Variants in ANKS1B observed in about 807,000 individuals in gnomAD.
ANKS1B encodes the protein ankyrin repeat and sterile alpha motif domain-containing protein 1B.
A neutral mutation model predicts 148.3 loss-of-function variants in ANKS1B; 36 were observed. The ratio of observed to expected loss-of-function variants is 0.24; its 90% CI spans 0.19 to 0.32. The LOEUF is 0.32. Among genes scored for constraint, ANKS1B ranks in the 10% least tolerant of loss-of-function variants. The pLI, the probability that ANKS1B is intolerant of heterozygous loss-of-function variation, is 1.00. For missense variants in ANKS1B, 1,157 were observed against 1,542.6 expected (o/e 0.75, Z 4.19); for synonymous variants, 542 against 560.8 (o/e 0.97, Z 0.47).
intron 1 of ANKS1B, among the ~76,000 whole-genome samples, chr12:99,966,561 GT>G (rs554727520): frequency 1.2e-3 from 179 of 152,216 alleles, no homozygotes; most frequent in African/African-American, 4.2e-3. Flanking sequence ...AAATTTGTGA[GT>G]TTTTATGCCC....
At chr12:99,627,253 G>A (rs368795023) in intron 9 of ANKS1B, among the ~76,000 whole-genome samples, 3 of 152,076 alleles carry the variant, frequency 2.0e-5, no homozygotes, top group East Asian at 1.9e-4. Context: ...ACCTTTTTAT[G>A]TTTACTTATT....
chr12:99,973,054 C>G (rs992478438), intron 1 of ANKS1B, among the ~76,000 whole-genome samples: 2 of 152,120 alleles, frequency 1.3e-5, no homozygotes, highest in African/African-American at 2.4e-5. Flanking sequence ...CTACCACTCA[C>G]AGAAAAAAAG....
At chr12:99,827,511 A>G (rs2083353412) in intron 1 of ANKS1B, among the ~76,000 whole-genome samples, 1 of 152,300 alleles carries the variant, frequency 6.6e-6, no homozygotes, top group South Asian at 2.1e-4. Flanking sequence ...ACGGGATTTC[A>G]GCTACGTGAG....
intron 9 of ANKS1B, among the ~76,000 whole-genome samples, chr12:99,616,775 G>A (rs2097968090): frequency 6.6e-6 from 1 of 152,068 alleles, no homozygotes. Flanking sequence ...GGCAACAAAA[G>A]CCAAAATTGA....
intron 9 of ANKS1B, among the ~76,000 whole-genome samples, chr12:99,555,190 C>A (rs1398086): frequency 2.0e-5 from 3 of 151,990 alleles, no homozygotes; most frequent in African/African-American, 7.3e-5. Context: ...GGAATTACTG[C>A]GTGAAATGGT....
intron 7 of ANKS1B, among the ~76,000 whole-genome samples, chr12:99,773,841 T>C (rs1370167118): frequency 6.6e-6 from 1 of 152,126 alleles, no homozygotes; most frequent in East Asian, 1.9e-4. Flanking sequence ...TTTTCATGCC[T>C]GTACCATACT....
intron 1 of ANKS1B, among the ~76,000 whole-genome samples, chr12:99,853,199 G>A (rs1164001184): frequency 6.6e-6 from 1 of 152,112 alleles, no homozygotes; most frequent in Non-Finnish European, 1.5e-5. Context: ...CAGACCCTAG[G>A]GCAAGCTTGT....
rs1378653185 is a variant in ANKS1B, at chr12:99,331,228, C to T, written c.1756+68403G>A. Among the ~76,000 whole-genome samples, 4 of 151,968 alleles carry T rather than the reference C, an allele frequency of 2.6e-5. No homozygotes were observed. The South Asian group carries it at 8.3e-4, about 32-fold the overall frequency. ...ATGCTCATGGATTCCTGGATTGAACCTGACACCTCTGGGTTTACTTAACGT... is the reference window on the plus strand; with the variant it reads ...ATGCTCATGGATTCCTGGATTGAACTTGACACCTCTGGGTTTACTTAACGT... On this transcript the variant is annotated intron_variant, in intron 12 of 26. Coordinates refer to ENST00000683438, the MANE Select transcript of ANKS1B (RefSeq NM_001352186.2).
At chr12:99,364,375 C>A (rs747248130) in intron 12 of ANKS1B, among the ~76,000 whole-genome samples, 62 of 152,146 alleles carry the variant, frequency 4.1e-4, no homozygotes, top group Non-Finnish European at 7.9e-4. Context: ...AGAAACCATA[C>A]CTTCATGTTC....
chr12:99,435,335 G>T (rs1381414458), intron 11 of ANKS1B, among the ~76,000 whole-genome samples: 1 of 152,026 alleles, frequency 6.6e-6, no homozygotes, highest in Non-Finnish European at 1.5e-5. Flanking sequence ...GATGCTTGAA[G>T]GTGAGTATCA....
chr12:99,174,866 G>A (rs1188551305), intron 14 of ANKS1B, among the ~76,000 whole-genome samples: 1 of 152,052 alleles, frequency 6.6e-6, no homozygotes, highest in Non-Finnish European at 1.5e-5. Flanking sequence ...TCATGAAATA[G>A]TCATTGAATT....
At chr12:99,178,469 G>T (rs1296483019) in intron 14 of ANKS1B, among the ~76,000 whole-genome samples, 1 of 152,176 alleles carries the variant, frequency 6.6e-6, no homozygotes, top group Non-Finnish European at 1.5e-5. Flanking sequence ...AGGCTTGTTG[G>T]GGGAGAGGAA....
intron 8 of ANKS1B, among the ~76,000 whole-genome samples, chr12:99,751,056 C>T (rs2061058813): frequency 6.6e-6 from 1 of 151,874 alleles, no homozygotes; most frequent in African/African-American, 2.4e-5. Flanking sequence ...AATGCATTAA[C>T]TTCAAATTAT....
chr12:99,916,208 G>A (rs772118235), intron 1 of ANKS1B, among the ~76,000 whole-genome samples: 13 of 152,178 alleles, frequency 8.5e-5, no homozygotes, highest in Admixed American at 2.0e-4. Flanking sequence ...CCTCTTGAGC[G>A]AAAGAGCTAA....
intron 15 of ANKS1B, among the ~76,000 whole-genome samples, chr12:99,125,674 C>T (rs1034866384): frequency 2.0e-5 from 3 of 152,082 alleles, no homozygotes; most frequent in African/African-American, 7.2e-5. Flanking sequence ...GATTGGTTGA[C>T]TTGAAGTAAG....
At chr12:99,550,622 TC>T (rs2097209254) in intron 9 of ANKS1B, among the ~76,000 whole-genome samples, 1 of 116,852 alleles carries the variant, frequency 8.6e-6, no homozygotes. Context: ...AAACTCTATC[TC>T]AAAAAAAAAA....
intron 6 of ANKS1B, among the ~76,000 whole-genome samples, chr12:99,778,432 C>T (rs947881690): frequency 1.3e-5 from 2 of 148,730 alleles, no homozygotes; most frequent in African/African-American, 5.0e-5. Flanking sequence ...CACTTGAACC[C>T]GGGAGGCGGA....
At chr12:99,329,999 A>G (rs1048990312) in intron 12 of ANKS1B, among the ~76,000 whole-genome samples, 2 of 151,864 alleles carry the variant, frequency 1.3e-5, no homozygotes, top group African/African-American at 4.8e-5. Flanking sequence ...CCTTAAACTG[A>G]TATTTTCTAT....
chr12:99,950,403 C>T (rs572363897), intron 1 of ANKS1B, among the ~76,000 whole-genome samples: 16 of 152,008 alleles, frequency 1.1e-4, no homozygotes, highest in African/African-American at 2.9e-4. Flanking sequence ...CAGCCTTCCC[C>T]GCATCCTCCC....
Sources: gnomAD v4.1 joint callset for allele counts (sites outside exome capture counted in the v4.1 genomes callset) on GRCh38, gnomAD v4.1.1 for gene constraint, MANE v1.5 for transcripts, NCBI Gene and HGNC (gene_info 2026-07-23, HGNC 2026-07-21) for gene names.